Variants in CRTC1 observed in about 807,000 individuals in gnomAD.
CRTC1 encodes CREB-regulated transcription coactivator 1.
CRTC1 carries 18 observed loss-of-function variants against 66.1 expected under a neutral mutation model. That is an observed-to-expected ratio of 0.27 (90% CI 0.19 to 0.40). The LOEUF (loss-of-function observed/expected upper bound fraction) is 0.40, where lower values mean the gene tolerates loss of function less well. CRTC1 is among the 10% of genes least tolerant of loss of function. The pLI is 1.00. For synonymous variants in CRTC1, 416 were observed against 398.8 expected, an observed-to-expected ratio of 1.04 and a Z score of -0.51; for missense variants, 669 against 887.9, an observed-to-expected ratio of 0.75 and a Z score of 3.13.
intron 1 of CRTC1, among the ~76,000 whole-genome samples, chr19:18,730,343 C>G (rs1005011952): frequency 6.6e-6 from 1 of 151,942 alleles, no homozygotes; most frequent in East Asian, 1.9e-4. Context: ...GAACACCGAG[C>G]CCCCCTGCTT....
At chr19:18,770,976 A>G (rs1179955350) in intron 10 of CRTC1, among the ~76,000 whole-genome samples, 2 of 144,736 alleles carry the variant, frequency 1.4e-5, no homozygotes, top group Non-Finnish European at 3.0e-5. Flanking sequence ...GTGTGTGTGC[A>G]TGTGTGGGTG....
chr19:18,746,971 C>CG (rs2054254008), intron 3 of CRTC1, 82 bp from the exon 4 acceptor site: 1 of 1,382,422 alleles, frequency 7.2e-7, no homozygotes, highest in Non-Finnish European at 1.0e-6. Flanking sequence ...GCCAGCCAGC[C>CG]GGGGCTTCCT....
chr19:18,755,928 G>A (rs1019391881), intron 6 of CRTC1, among the ~76,000 whole-genome samples: 1 of 152,048 alleles, frequency 6.6e-6, no homozygotes, highest in African/African-American at 2.4e-5. Context: ...TTAAAGACGG[G>A]GGTCTCACTA....
At position 18,711,367 on chromosome 19, in the gene CRTC1, C is replaced by T. The variant is rs116788155; in HGVS notation, c.126+27539C>T. 7.1e-3 allele frequency among the ~76,000 whole-genome samples: 1,074 copies of T among 152,212 alleles called. 6 individuals carry two copies. Among genetic ancestry groups the T allele is most frequent in the African/African-American group, 0.018 (743 of 41,538 alleles). ...GGGGAGCATGAGGGCACCGATCCTG[C>T]GCCTCTGTGCCTGGGCCGGGCGGGA... is the stretch of plus-strand genomic sequence containing the variant. On this transcript the variant is annotated intron_variant, in intron 1 of 13. Coordinates refer to ENST00000321949, the MANE Select transcript of CRTC1 (RefSeq NM_015321.3).
rs1035030179 is a variant in CRTC1 at position 18,780,347 on chromosome 19, G to A, written c.*2965G>A. 13 of 231,704 alleles carry A rather than the reference G, an allele frequency of 5.6e-5. No individual in the cohort carries two copies. Among genetic ancestry groups the A allele is most frequent in the Middle Eastern group, 1.3e-3 (1 of 800 alleles). The allele number at this position is 231,704 out of a possible 1,614,324, so 14.4% of individuals were successfully genotyped here. ...CATGGCGTCCCCACCTTCCTGTTTC[G>A]CCGACGTCACTACCCAGGGTGGCAA... On this transcript the variant is annotated 3_prime_UTR_variant, in exon 14 of 14. Coordinates refer to ENST00000321949, the MANE Select transcript of CRTC1 (RefSeq NM_015321.3).
intron 1 of CRTC1, among the ~76,000 whole-genome samples, chr19:18,714,726 T>C (rs1022526841): frequency 6.6e-6 from 1 of 152,248 alleles, no homozygotes; most frequent in Admixed American, 6.5e-5. Context: ...CATTTCAGCA[T>C]GGCAGGTTAG....
Position 18,759,531 on chromosome 19 carries a change from T to G in CRTC1, c.625-20T>G. On this transcript the variant is annotated intron_variant, in intron 6 of 13. Coordinates refer to ENST00000321949, the MANE Select transcript of CRTC1 (RefSeq NM_015321.3). ...ACAGGGTGTGCCCCAGGGCTCAGGC[T>G]CTCCTGTCTTCTCTTTCAGACGGGG... is the stretch of plus-strand genomic sequence containing the variant. 1 of 1,611,350 alleles carries G rather than the reference T, an allele frequency of 6.2e-7. No individual in the cohort carries two copies. The highest frequency in any genetic ancestry group is 8.5e-7 in the Non-Finnish European group (1 of 1,179,030).
intron 1 of CRTC1, among the ~76,000 whole-genome samples, chr19:18,725,412 C>G (rs2053726555): frequency 6.6e-6 from 1 of 152,208 alleles, no homozygotes; most frequent in Non-Finnish European, 1.5e-5. Flanking sequence ...GGGTTCCTGC[C>G]TGTCTCTATC....
In CRTC1 at chr19:18,760,101, C is replaced by G. The variant is rs750776192; in HGVS notation, c.759C>G (p.His253Gln). 6.2e-7 allele frequency: 1 copy of G among 1,613,930 alleles called. No individual in the cohort carries two copies. ...GGSLPDLTNI[H>Q]FPSPLPTPLD... ...CCCTGCCCGACCTGACCAACATCCA[C>G]TTCCCCTCCCCGCTCCCGACCCCGC... is the stretch of plus-strand genomic sequence containing the variant. The change falls in exon 8 of 14, where the codon CAC becomes CAG. Residue 253 changes from histidine to glutamine, a missense_variant. Physicochemically the swap from His to Gln is conservative, Grantham distance 24. This residue lies in a region of CRTC1 where 214 missense variants were observed against 323.4 expected (regional missense o/e 0.66). Transcript: ENST00000321949. This position sits in a 1 kb window ranked among gnomAD's most constrained non-coding sequence, Gnocchi z 6.2.
intron 7 of CRTC1, 55 bp from the exon 8 acceptor site, chr19:18,759,953 G>GACGCCAGCCCCCTGTCC: frequency 9.5e-7 from 1 of 1,051,884 alleles, no homozygotes. Flanking sequence ...CCCTGTCCCC[G>GACGCCAGCCCCCTGTCC]CCGCCAGCCC....
chr19:18,712,423 A>C (rs2053413009), intron 1 of CRTC1, among the ~76,000 whole-genome samples: 1 of 150,672 alleles, frequency 6.6e-6, no homozygotes, highest in African/African-American at 2.4e-5. Context: ...ACACCCAGCT[A>C]ATTTTTTTGT....
chr19:18,691,988 C>T (rs2014914), intron 1 of CRTC1, among the ~76,000 whole-genome samples: 56,734 of 151,898 alleles, frequency 0.37, 11,166 homozygotes, highest in East Asian at 0.52. Flanking sequence ...GCTGGGATTA[C>T]AGGTGTGAGC....
intron 12 of CRTC1, 100 bp from the exon 13 acceptor site, chr19:18,775,541 C>T: frequency 1.8e-6 from 2 of 1,113,700 alleles, no homozygotes; most frequent in South Asian, 1.7e-5. Context: ...GGACAGAGTC[C>T]CCAGCTGCGG....
intron 1 of CRTC1, among the ~76,000 whole-genome samples, chr19:18,684,178 G>C (rs536542772): frequency 2.0e-5 from 3 of 152,036 alleles, no homozygotes; most frequent in Non-Finnish European, 4.4e-5. Context: ...TGTTACCCGA[G>C]GGGGACAGGT....
chr19:18,707,000 C>T (rs956430681), intron 1 of CRTC1, among the ~76,000 whole-genome samples: 1 of 152,112 alleles, frequency 6.6e-6, no homozygotes, highest in African/African-American at 2.4e-5. Context: ...CCTTTTCACT[C>T]TGTTGATTAC....
At chr19:18,691,522 C>CCA (rs2052836032) in intron 1 of CRTC1, among the ~76,000 whole-genome samples, 1 of 72,668 alleles carries the variant, frequency 1.4e-5, no homozygotes, top group Non-Finnish European at 2.5e-5. Context: ...CCCTTTTCTC[C>CCA]AAAAAAAAAA....
chr19:18,748,734 C>G (rs1218704345), intron 4 of CRTC1, among the ~76,000 whole-genome samples: 1 of 150,268 alleles, frequency 6.7e-6, no homozygotes, highest in Non-Finnish European at 1.5e-5. Context: ...TACATACATA[C>G]ACACGCACAC....
At chr19:18,750,001 G>T in intron 5 of CRTC1, 126 bp downstream of exon 5, 1 of 747,388 alleles carries the variant, frequency 1.3e-6, no homozygotes. Context: ...ACCATGCTGA[G>T]GGATCGGGGG....
chr19:18,697,693 T>C (rs2053026992), intron 1 of CRTC1, among the ~76,000 whole-genome samples: 1 of 152,166 alleles, frequency 6.6e-6, no homozygotes, highest in South Asian at 2.1e-4. Flanking sequence ...TGGTGAGACG[T>C]GAATGTGAAG....
Sources: gnomAD v4.1 joint callset for allele counts (sites outside exome capture counted in the v4.1 genomes callset) on GRCh38, gnomAD v4.1.1 for gene constraint, gnomAD v4.1.1 regional missense constraint, Gnocchi (gnomAD v3.1) non-coding constraint, MANE v1.5 for transcripts, NCBI Gene and HGNC (gene_info 2026-07-23, HGNC 2026-07-21) for gene names.